Variants in MACROD2 observed in about 807,000 individuals in gnomAD.
MACROD2 encodes mono-ADP ribosylhydrolase 2, also known as ADP-ribose glycohydrolase MACROD2.
Under a neutral mutation model 70.4 loss-of-function variants are expected in MACROD2, and 36 were observed. The ratio of observed to expected loss-of-function variants is 0.51; its 90% confidence interval spans 0.39 to 0.68. The LOEUF is 0.68. Ranked by LOEUF, MACROD2 falls within the 30% of genes least tolerant of loss-of-function variation. MACROD2 has a pLI of 0.00. For synonymous variants in MACROD2, 172 were observed against 178.8 expected (o/e 0.96, Z 0.30); for missense variants, 496 against 538.4 (o/e 0.92, Z 0.78).
intron 8 of MACROD2, among the ~76,000 whole-genome samples, chr20:15,673,038 G>T (rs1329889644): frequency 6.6e-6 from 1 of 152,128 alleles, no homozygotes; most frequent in Non-Finnish European, 1.5e-5. Context: ...CAGCCACGTG[G>T]AACCATGAGT....
At chr20:15,492,320 AT>A (rs2047241704) in intron 7 of MACROD2, among the ~76,000 whole-genome samples, 1 of 151,760 alleles carries the variant, frequency 6.6e-6, no homozygotes, top group African/African-American at 2.4e-5. Context: ...AAAAAAAAAA[AT>A]GTATTGCCCA....
At chr20:14,445,505 C>A (rs1240103574) in intron 3 of MACROD2, among the ~76,000 whole-genome samples, 1 of 151,964 alleles carries the variant, frequency 6.6e-6, no homozygotes, top group African/African-American at 2.4e-5. Context: ...ACACATTTCC[C>A]CAATTCCCCA....
chr20:14,027,181 T>A (rs980933366), intron 2 of MACROD2, among the ~76,000 whole-genome samples: 2 of 152,170 alleles, frequency 1.3e-5, no homozygotes, highest in African/African-American at 4.8e-5. Context: ...TTCTCTCATC[T>A]TGTCATCACT....
chr20:14,096,239 T>C (rs1355012098), intron 3 of MACROD2, among the ~76,000 whole-genome samples: 1 of 152,184 alleles, frequency 6.6e-6, no homozygotes, highest in Non-Finnish European at 1.5e-5. Flanking sequence ...AAAGTATGTA[T>C]CGAGTACTCT....
rs1229948124 is a variant in MACROD2 at position 14,742,844 on chromosome 20, G to A, written c.418+57885G>A. Reference sequence around the variant, plus strand: ...TGCAGTGACGGGATCTCGGCTCACTGCAAGCTCCACCTCCCGGGTTCACGC... The same window carrying A: ...TGCAGTGACGGGATCTCGGCTCACTACAAGCTCCACCTCCCGGGTTCACGC... On this transcript the variant is annotated intron_variant, in intron 5 of 17. Coordinates refer to ENST00000684519, the MANE Select transcript of MACROD2 (RefSeq NM_001351661.2). Among the ~76,000 whole-genome samples, 4 of 150,800 alleles carry A rather than the reference G, an allele frequency of 2.7e-5. 1 individual carries two copies. The highest frequency in any genetic ancestry group is 2.0e-4 in the Admixed American group (3 of 15,146).
intron 3 of MACROD2, among the ~76,000 whole-genome samples, chr20:14,367,879 A>G (rs1363799547): frequency 6.6e-6 from 1 of 151,970 alleles, no homozygotes; most frequent in Non-Finnish European, 1.5e-5. Context: ...TCTCTTCTCC[A>G]TCTGGGGTTC....
intron 5 of MACROD2, among the ~76,000 whole-genome samples, chr20:14,721,383 C>G (rs895069999): frequency 6.6e-6 from 1 of 151,898 alleles, no homozygotes; most frequent in Non-Finnish European, 1.5e-5. Flanking sequence ...GGTGACAGAG[C>G]GAGATACTGT....
At chr20:15,918,136 C>T (rs187274183) in intron 10 of MACROD2, among the ~76,000 whole-genome samples, 116 of 152,286 alleles carry the variant, frequency 7.6e-4, no homozygotes, top group Non-Finnish European at 1.4e-3. Flanking sequence ...GTCTGTTTAA[C>T]GCTCTTAAGG....
intron 5 of MACROD2, among the ~76,000 whole-genome samples, chr20:14,862,850 G>A (rs1170951544): frequency 6.7e-6 from 1 of 148,194 alleles, no homozygotes; most frequent in African/African-American, 2.5e-5. Context: ...AAGTTGAGTT[G>A]GCATACCTAC....
chr20:14,887,234 A>G (rs1568855005), intron 5 of MACROD2, among the ~76,000 whole-genome samples: 1 of 152,098 alleles, frequency 6.6e-6, no homozygotes, highest in Non-Finnish European at 1.5e-5. Context: ...AGGGATGGAG[A>G]TGTCCTGCCC....
At chr20:16,030,022 A>T (rs1450058002) in intron 15 of MACROD2, among the ~76,000 whole-genome samples, 1 of 152,174 alleles carries the variant, frequency 6.6e-6, no homozygotes, top group Admixed American at 6.5e-5. Context: ...AAGGCTGCAG[A>T]GGGTTTATCA....
At chr20:14,898,961 T>A (rs1452584828) in intron 5 of MACROD2, among the ~76,000 whole-genome samples, 2 of 152,178 alleles carry the variant, frequency 1.3e-5, no homozygotes, top group Non-Finnish European at 2.9e-5. Flanking sequence ...ATCATGCCTT[T>A]TTTTCTAGTA....
At chr20:14,926,546 C>CAAAA (rs59492795) in intron 5 of MACROD2, among the ~76,000 whole-genome samples, 2 of 137,446 alleles carry the variant, frequency 1.5e-5, no homozygotes, top group Admixed American at 1.4e-4. Context: ...AAGACTCCGT[C>CAAAA]AAAAAAAAAA....
At chr20:14,574,519 A>G (rs1021071941) in intron 4 of MACROD2, among the ~76,000 whole-genome samples, 2 of 152,110 alleles carry the variant, frequency 1.3e-5, no homozygotes, top group East Asian at 1.9e-4. Flanking sequence ...ATAACAGTCT[A>G]GGTTTTTCTG....
intron 3 of MACROD2, among the ~76,000 whole-genome samples, chr20:14,129,521 A>G (rs574243303): frequency 2.6e-5 from 4 of 152,334 alleles, no homozygotes; most frequent in African/African-American, 9.6e-5. Context: ...AATTTGGAAT[A>G]TTACATAAAC....
intron 5 of MACROD2, among the ~76,000 whole-genome samples, chr20:15,189,685 T>A (rs2076557442): frequency 6.6e-6 from 1 of 152,150 alleles, no homozygotes; most frequent in South Asian, 2.1e-4. Flanking sequence ...TAAAGAGAAA[T>A]ATAAAAATAT....
Position 14,774,738 on chromosome 20 carries a change from A to C in MACROD2, c.418+89779A>C, listed in dbSNP as rs368766774. Among the ~76,000 whole-genome samples, 8 of 152,240 alleles carry C rather than the reference A, an allele frequency of 5.3e-5. No homozygotes were observed. In the East Asian group the frequency reaches 9.6e-4, roughly 18 times the overall value. ...CTATAAATGAGTAAGATACTATGTA[A>C]ATCAGGCTACACATATGATAAAAGT... On this transcript the variant is annotated intron_variant, in intron 5 of 17. Coordinates refer to ENST00000684519, the MANE Select transcript of MACROD2 (RefSeq NM_001351661.2).
chr20:15,820,411 C>T lies in MACROD2; in HGVS notation c.646-42334C>T, dbSNP rs566206927. ...CTCACCATGTTGCCTAGGCTGGTCT[C>T]GAACTCCTGGGCTCAAGCGATCCTT... On this transcript the variant is annotated intron_variant, in intron 8 of 17. Coordinates refer to ENST00000684519, the MANE Select transcript of MACROD2 (RefSeq NM_001351661.2). 3.7e-3 allele frequency among the ~76,000 whole-genome samples: 559 copies of T among 152,178 alleles called. 3 individuals are homozygous for T. The highest frequency in any genetic ancestry group is 5.2e-3 in the Non-Finnish European group (354 of 67,996).
chr20:14,718,869 T>A (rs2071429006), intron 5 of MACROD2, among the ~76,000 whole-genome samples: 1 of 152,238 alleles, frequency 6.6e-6, no homozygotes, highest in African/African-American at 2.4e-5. Flanking sequence ...GTTTATTTTC[T>A]TTAACAAATA....
Sources: gnomAD v4.1 joint callset for allele counts (sites outside exome capture counted in the v4.1 genomes callset) on GRCh38, gnomAD v4.1.1 for gene constraint, MANE v1.5 for transcripts, NCBI Gene and HGNC (gene_info 2026-07-23, HGNC 2026-07-21) for gene names.